Variants in ST18 observed in about 807,000 individuals in gnomAD.
The protein encoded by ST18 is suppression of tumorigenicity 18 protein.
In ST18, 50 loss-of-function variants were observed where a neutral mutation model predicts 110.0. That is an observed-to-expected ratio of 0.45 (90% CI 0.36 to 0.58). The LOEUF (loss-of-function observed/expected upper bound fraction) is 0.58, where lower values mean the gene tolerates loss of function less well. ST18 is among the 20% of genes least tolerant of loss of function. ST18 has a pLI of 0.00. For synonymous variants in ST18, 461 were observed against 452.4 expected (o/e 1.02, Z -0.24); for missense variants, 1,306 against 1,280.1 (o/e 1.02, Z -0.31).
rs996745756 is a variant in ST18 at position 52,141,508 on chromosome 8, G to C, written c.2168+1422C>G. On this transcript the variant is annotated intron_variant, in intron 17 of 25. Coordinates refer to ENST00000689386, the MANE Select transcript of ST18 (RefSeq NM_001352837.2). ...AGAGAAGACCTCCCGTCCCCACTTT[G>C]TGCCCTCTGAGGCTTTGTTCTTGGT... 1.1e-4 allele frequency among the ~76,000 whole-genome samples: 17 copies of C among 152,222 alleles called. 1 individual carries two copies. The highest frequency in any genetic ancestry group is 1.1e-3 in the Admixed American group (17 of 15,282).
intron 2 of ST18, among the ~76,000 whole-genome samples, chr8:52,364,786 T>C (rs1324951830): frequency 6.6e-6 from 1 of 152,112 alleles, no homozygotes; most frequent in Non-Finnish European, 1.5e-5. Flanking sequence ...CTGCAGCATA[T>C]GTGTCTTCAA....
intron 2 of ST18, among the ~76,000 whole-genome samples, chr8:52,362,170 G>A (rs978900877): frequency 6.6e-6 from 1 of 152,098 alleles, no homozygotes; most frequent in Non-Finnish European, 1.5e-5. Flanking sequence ...TTGCATTAAT[G>A]GTCACTTTTA....
chr8:52,157,150 T>C (rs2060242255), intron 15 of ST18, among the ~76,000 whole-genome samples: 1 of 152,224 alleles, frequency 6.6e-6, no homozygotes, highest in Non-Finnish European at 1.5e-5. Flanking sequence ...ACAATTGCTT[T>C]TCTAACCAAA....
intron 2 of ST18, among the ~76,000 whole-genome samples, chr8:52,285,562 T>A (rs2080079120): frequency 6.6e-6 from 1 of 152,140 alleles, no homozygotes; most frequent in Non-Finnish European, 1.5e-5. Flanking sequence ...TGCTTCTAAG[T>A]CCAAGAAAAA....
At chr8:52,247,636 A>G (rs959736850) in intron 2 of ST18, among the ~76,000 whole-genome samples, 1 of 152,228 alleles carries the variant, frequency 6.6e-6, no homozygotes, top group Non-Finnish European at 1.5e-5. Context: ...ATGAGATTCA[A>G]AAATAAAACA....
intron 2 of ST18, among the ~76,000 whole-genome samples, chr8:52,336,321 T>C (rs1009021982): frequency 1.3e-5 from 2 of 152,000 alleles, no homozygotes; most frequent in African/African-American, 4.8e-5. Context: ...AGCTAATTTT[T>C]TCTATTTGCA....
At chr8:52,323,977 TG>T (rs1167233527) in intron 2 of ST18, among the ~76,000 whole-genome samples, 1 of 152,236 alleles carries the variant, frequency 6.6e-6, no homozygotes, top group Non-Finnish European at 1.5e-5. Flanking sequence ...CCCTTACCAC[TG>T]GGGCACATGT....
intron 2 of ST18, among the ~76,000 whole-genome samples, chr8:52,288,593 G>A (rs1304006896): frequency 6.6e-6 from 1 of 151,442 alleles, no homozygotes; most frequent in African/African-American, 2.4e-5. Context: ...CCAGCTACTT[G>A]GGAGGCTGGA....
intron 2 of ST18, among the ~76,000 whole-genome samples, chr8:52,346,164 A>T (rs6415662): frequency 0.83 from 124,629 of 150,806 alleles, 53,200 homozygotes; most frequent in Non-Finnish European, 0.93. Context: ...TGTAAAATTT[A>T]TTTTATTTTA....
At chr8:52,305,247 C>A (rs2095795069) in intron 2 of ST18, among the ~76,000 whole-genome samples, 1 of 152,082 alleles carries the variant, frequency 6.6e-6, no homozygotes, top group African/African-American at 2.4e-5. Flanking sequence ...TAGGTCATGC[C>A]CTCCTTTGGA....
intron 9 of ST18, among the ~76,000 whole-genome samples, chr8:52,177,820 C>T (rs1412069178): frequency 1.3e-5 from 2 of 152,158 alleles, no homozygotes; most frequent in East Asian, 1.9e-4. Context: ...TCTCTTTGGT[C>T]CCCAATGATT....
intron 2 of ST18, among the ~76,000 whole-genome samples, chr8:52,389,611 G>A (rs1410575712): frequency 2.0e-5 from 3 of 152,298 alleles, no homozygotes; most frequent in East Asian, 3.9e-4. Context: ...CCTGGGAAGC[G>A]CAGAGCAGGG....
chr8:52,357,947 T>G (rs1447798872), intron 2 of ST18, among the ~76,000 whole-genome samples: 2 of 151,044 alleles, frequency 1.3e-5, no homozygotes, highest in Non-Finnish European at 3.0e-5. Context: ...AGACCATATG[T>G]TGAACCACAA....
chr8:52,343,251 G>A (rs578207624), intron 2 of ST18, among the ~76,000 whole-genome samples: 4 of 152,204 alleles, frequency 2.6e-5, no homozygotes, highest in South Asian at 2.1e-4. Flanking sequence ...TTACTAACCC[G>A]CCAGACAATA....
chr8:52,349,651 A>T (rs7387622), intron 2 of ST18, among the ~76,000 whole-genome samples: 147,623 of 152,318 alleles, frequency 0.97, 71,699 homozygotes, highest in Middle Eastern at 1. Context: ...CTTATAGGGT[A>T]CAAAGCAAAA....
At chr8:52,171,137 A>G (rs1382476627) in intron 10 of ST18, among the ~76,000 whole-genome samples, 2 of 152,180 alleles carry the variant, frequency 1.3e-5, no homozygotes, top group Admixed American at 6.5e-5. Context: ...GCTCCATAAA[A>G]CTGCTAGAAA....
intron 2 of ST18, among the ~76,000 whole-genome samples, chr8:52,357,941 C>T (rs1255111746): frequency 6.6e-6 from 1 of 150,716 alleles, no homozygotes; most frequent in Non-Finnish European, 1.5e-5. Flanking sequence ...TAACATAGAC[C>T]ATATGTTGAA....
intron 9 of ST18, 46 bp from the exon 10 acceptor site, chr8:52,172,629 A>G (rs1264672207): frequency 4.8e-6 from 7 of 1,467,938 alleles, no homozygotes; most frequent in Non-Finnish European, 6.3e-6. Context: ...AACAAAAAAT[A>G]TTTTAGGAAA....
intron 2 of ST18, among the ~76,000 whole-genome samples, chr8:52,265,666 G>A (rs529945742): frequency 2.6e-5 from 4 of 152,312 alleles, no homozygotes; most frequent in Admixed American, 6.5e-5. Flanking sequence ...TTCATGGAGG[G>A]TAGTTCATTT....
Sources: gnomAD v4.1 joint callset for allele counts (sites outside exome capture counted in the v4.1 genomes callset) on GRCh38, gnomAD v4.1.1 for gene constraint, MANE v1.5 for transcripts, NCBI Gene and HGNC (gene_info 2026-07-23, HGNC 2026-07-21) for gene names.